Variants in SCFD2 observed in about 807,000 individuals in gnomAD.
SCFD2 encodes sec1 family domain containing 2.
Under a neutral mutation model 58.9 loss-of-function variants are expected in SCFD2, and 54 were observed. The observed-to-expected ratio is 0.92, with a 90% CI of 0.74 to 1.15. The LOEUF (loss-of-function observed/expected upper bound fraction) is 1.15. Among genes scored for constraint, SCFD2 ranks in the 50% most tolerant of loss-of-function variants. SCFD2 has a pLI of 0.00. For synonymous variants in SCFD2, 321 were observed against 335.9 expected, an observed-to-expected ratio of 0.96 and a Z score of 0.49; for missense variants, 805 against 836.6, an observed-to-expected ratio of 0.96 and a Z score of 0.47.
At chr4:52,895,446 T>C (rs1171421492) in intron 7 of SCFD2, among the ~76,000 whole-genome samples, 1 of 152,192 alleles carries the variant, frequency 6.6e-6, no homozygotes, top group African/African-American at 2.4e-5. Context: ...TTTGTGATAC[T>C]TTGCTGAGAA....
At chr4:53,293,317 G>T (rs1259064223) in intron 3 of SCFD2, among the ~76,000 whole-genome samples, 1 of 151,888 alleles carries the variant, frequency 6.6e-6, no homozygotes, top group African/African-American at 2.4e-5. Context: ...AGGGGAAGCA[G>T]GGGGAGAAAG....
chr4:53,232,011 T>G (rs1242116553), intron 4 of SCFD2, among the ~76,000 whole-genome samples: 1 of 152,100 alleles, frequency 6.6e-6, no homozygotes, highest in Non-Finnish European at 1.5e-5. Flanking sequence ...CAAAAACTAG[T>G]GGGTATCATA....
intron 5 of SCFD2, among the ~76,000 whole-genome samples, chr4:52,982,057 T>C (rs13134756): frequency 0.25 from 38,627 of 152,038 alleles, 4,994 homozygotes; most frequent in East Asian, 0.36. Context: ...ATGACTCTTA[T>C]GTTTCTGGTG....
intron 4 of SCFD2, among the ~76,000 whole-genome samples, chr4:53,237,670 G>A (rs1729687694): frequency 7.7e-6 from 1 of 129,560 alleles, no homozygotes; most frequent in African/African-American, 2.9e-5. Flanking sequence ...CCTCCCGGAC[G>A]GGGCGGCTGG....
chr4:52,965,441 G>A (rs1450985493), intron 5 of SCFD2, among the ~76,000 whole-genome samples: 1 of 152,160 alleles, frequency 6.6e-6, no homozygotes, highest in Non-Finnish European at 1.5e-5. Flanking sequence ...CCCCTGCCAT[G>A]CTAGTGTTCA....
intron 4 of SCFD2, among the ~76,000 whole-genome samples, chr4:53,199,757 G>A (rs370561320): frequency 5.3e-5 from 8 of 152,228 alleles, no homozygotes; most frequent in Admixed American, 1.3e-4. Context: ...ACCTGTCCCC[G>A]TACAAAATAA....
intron 5 of SCFD2, among the ~76,000 whole-genome samples, chr4:52,997,633 C>G (rs942821047): frequency 6.6e-6 from 1 of 152,172 alleles, no homozygotes; most frequent in African/African-American, 2.4e-5. Flanking sequence ...AAAAGGCCAA[C>G]CTCAGGGCTT....
intron 7 of SCFD2, among the ~76,000 whole-genome samples, chr4:52,890,800 C>T (rs753984266): frequency 2.6e-5 from 4 of 152,116 alleles, no homozygotes; most frequent in South Asian, 2.1e-4. Context: ...GAGGTGTGCG[C>T]CCCTGAGAGA....
chr4:53,230,123 C>G (rs1729382084), intron 4 of SCFD2, among the ~76,000 whole-genome samples: 1 of 152,274 alleles, frequency 6.6e-6, no homozygotes, highest in African/African-American at 2.4e-5. Context: ...CAGGAAACAA[C>G]AGGTGCTGGA....
intron 4 of SCFD2, among the ~76,000 whole-genome samples, chr4:53,214,438 T>A (rs954678721): frequency 6.6e-6 from 1 of 152,112 alleles, no homozygotes; most frequent in Non-Finnish European, 1.5e-5. Context: ...GTGTTTTTTG[T>A]CTGCATAAAT....
intron 5 of SCFD2, among the ~76,000 whole-genome samples, chr4:53,124,382 G>C (rs1725566141): frequency 6.6e-6 from 1 of 152,108 alleles, no homozygotes; most frequent in African/African-American, 2.4e-5. Flanking sequence ...TAGAAAGTAA[G>C]TTCATCTTAA....
chr4:53,043,527 T>A (rs1208222883), intron 5 of SCFD2, among the ~76,000 whole-genome samples: 1 of 152,160 alleles, frequency 6.6e-6, no homozygotes, highest in Non-Finnish European at 1.5e-5. Flanking sequence ...GAAAAAATAA[T>A]AATTATCTGG....
chr4:53,216,668 T>A (rs1411357525), intron 4 of SCFD2, among the ~76,000 whole-genome samples: 3 of 152,242 alleles, frequency 2.0e-5, no homozygotes, highest in Non-Finnish European at 4.4e-5. Flanking sequence ...CTGATCTTAG[T>A]TATTTCTCGC....
Position 53,320,805 on chromosome 4 carries a change from C to T in SCFD2, c.1008-7042G>A, listed in dbSNP as rs149643139. On this transcript the variant is annotated intron_variant, in intron 2 of 8. Coordinates refer to ENST00000401642, the MANE Select transcript of SCFD2 (RefSeq NM_152540.4). ...TGACAGCAATAAAAAGAATTAACAA[C>T]AACAAAAAAATTACCAACAGCTTGT... Among the ~76,000 whole-genome samples the T allele has an allele frequency of 2.0e-5, 3 of 152,188 alleles. No homozygotes were observed. In the East Asian group the frequency reaches 5.8e-4, roughly 29 times the overall value.
chr4:53,330,568 C>G (rs1011653334), intron 2 of SCFD2, among the ~76,000 whole-genome samples: 1 of 152,042 alleles, frequency 6.6e-6, no homozygotes, highest in East Asian at 1.9e-4. Flanking sequence ...CACCACCAGG[C>G]CTGCTTTACA....
At chr4:53,026,322 C>T (rs1485873592) in intron 5 of SCFD2, among the ~76,000 whole-genome samples, 1 of 152,194 alleles carries the variant, frequency 6.6e-6, no homozygotes, top group African/African-American at 2.4e-5. Flanking sequence ...AGAGGCATAA[C>T]TTAATTAAGT....
intron 2 of SCFD2, among the ~76,000 whole-genome samples, chr4:53,342,772 T>C (rs1314076341): frequency 6.6e-6 from 1 of 152,162 alleles, no homozygotes; most frequent in African/African-American, 2.4e-5. Context: ...CAGACCACAG[T>C]GCAATCAAAC....
At chr4:53,294,601 T>G (rs529912872) in intron 3 of SCFD2, among the ~76,000 whole-genome samples, 2 of 152,250 alleles carry the variant, frequency 1.3e-5, no homozygotes, top group South Asian at 4.1e-4. Flanking sequence ...CTGTTAACTC[T>G]GATGATAGTT....
intron 4 of SCFD2, among the ~76,000 whole-genome samples, chr4:53,269,564 A>C (rs1041550356): frequency 2.0e-5 from 3 of 152,190 alleles, no homozygotes; most frequent in African/African-American, 7.2e-5. Context: ...TATAAATATC[A>C]ACAACAAAGC....
Sources: gnomAD v4.1 joint callset for allele counts (sites outside exome capture counted in the v4.1 genomes callset) on GRCh38, gnomAD v4.1.1 for gene constraint, MANE v1.5 for transcripts, NCBI Gene and HGNC (gene_info 2026-07-23, HGNC 2026-07-21) for gene names.